The following LRCH2 variants were observed in gnomAD, a reference collection of about 807,000 sequenced individuals.
The protein encoded by LRCH2 is leucine rich repeats and calponin homology domain containing 2, also known as leucine-rich repeat and calponin homology domain-containing protein 2.
LRCH2 carries 38 observed loss-of-function variants against 68.9 expected under a neutral mutation model. That is an observed-to-expected ratio of 0.55 (90% CI 0.43 to 0.72). LRCH2 has a LOEUF of 0.72. Ranked by LOEUF, LRCH2 falls within the 30% of genes least tolerant of loss-of-function variation. The pLI, the probability that LRCH2 is intolerant of heterozygous loss-of-function variation, is 0.00. For synonymous variants in LRCH2, 191 were observed against 208.1 expected (o/e 0.92, Z 0.71); for missense variants, 528 against 572.9 (o/e 0.92, Z 0.80).
intron 11 of LRCH2, 62 bp from the exon 12 acceptor site, chrX:115,156,729 A>G (rs1487011159): frequency 2.8e-6 from 2 of 702,056 alleles, no homozygotes; most frequent in African/African-American, 4.6e-5. Context: ...ACATGATATA[A>G]AAAAAATCTC....
chrX:115,169,450 A>G (rs2072588973), intron 6 of LRCH2, among the ~76,000 whole-genome samples: 1 of 111,960 alleles, frequency 8.9e-6, no homozygotes, highest in South Asian at 3.7e-4. Flanking sequence ...TCATAATATT[A>G]AACAAAATAA....
intron 14 of LRCH2, 143 bp from the exon 15 acceptor site, chrX:115,130,342 T>C (rs1378991236): frequency 5.8e-6 from 2 of 343,989 alleles, no homozygotes; most frequent in African/African-American, 2.7e-5. Flanking sequence ...CAGGTGTAAA[T>C]AGTCCTACTA....
At chrX:115,125,601 ATATACGTATATATATATG>A (rs2072189336) in intron 16 of LRCH2, among the ~76,000 whole-genome samples, 1 of 21,892 alleles carries the variant, frequency 4.6e-5, no homozygotes, top group Non-Finnish European at 7.1e-5. Flanking sequence ...ATACACATAT[ATATACGTATATATATATG>A]TATATATATA....
At chrX:115,155,036 GT>G (rs1248282950) in intron 12 of LRCH2, among the ~76,000 whole-genome samples, 1 of 20,401 alleles carries the variant, frequency 4.9e-5, no homozygotes, top group African/African-American at 1.9e-4. Context: ...GCAAGACTCT[GT>G]CAAAAAAAAA....
At chrX:115,158,157 C>T (rs1472287700) in intron 11 of LRCH2, among the ~76,000 whole-genome samples, 1 of 111,485 alleles carries the variant, frequency 9.0e-6, no homozygotes, top group Non-Finnish European at 1.9e-5. Context: ...CAACCTGGCC[C>T]CATAATACTT....
At chrX:115,155,681 CA>C (rs2072469447) in intron 12 of LRCH2, among the ~76,000 whole-genome samples, 1 of 111,955 alleles carries the variant, frequency 8.9e-6, no homozygotes, top group Non-Finnish European at 1.9e-5. Flanking sequence ...CAATTTACTA[CA>C]TTAACCCATT....
intron 3 of LRCH2, among the ~76,000 whole-genome samples, chrX:115,180,726 C>T (rs782041279): frequency 3.2e-4 from 36 of 111,550 alleles, no homozygotes; most frequent in Non-Finnish European, 5.1e-4. Context: ...TATAATAATG[C>T]TATAGATGAT....
intron 14 of LRCH2, among the ~76,000 whole-genome samples, chrX:115,145,093 C>CAA (rs2072370542): frequency 9.0e-6 from 1 of 111,604 alleles, no homozygotes; most frequent in Non-Finnish European, 1.9e-5. Flanking sequence ...TGCATAAAAA[C>CAA]AGACACACAG....
At chrX:115,176,935 C>T (rs1281301004) in intron 5 of LRCH2, among the ~76,000 whole-genome samples, 3 of 106,055 alleles carry the variant, frequency 2.8e-5, no homozygotes, top group Admixed American at 1.0e-4. Context: ...TTAGTAGAGA[C>T]GGGGTTTCAC....
intron 15 of LRCH2, among the ~76,000 whole-genome samples, chrX:115,129,932 T>C (rs1190676407): frequency 9.0e-6 from 1 of 111,488 alleles, no homozygotes; most frequent in African/African-American, 3.3e-5. Flanking sequence ...GATAAAATTC[T>C]AAAACTGAAT....
rs370769144 is a variant in LRCH2, at chrX:115,149,070, A to G, written c.1695+757T>C. 3.6e-5 allele frequency among the ~76,000 whole-genome samples: 4 copies of G among 111,808 alleles called. No homozygotes were observed. In the East Asian group the frequency reaches 1.1e-3, roughly 31 times the overall value. ...TTACTATTATCATCTAATAATAATT[A>G]GGCTTTGGGAAACATAAAACGTGTA... On this transcript the variant is annotated intron_variant, in intron 14 of 20. Transcript: ENST00000317135.
At chrX:115,222,713 A>G (rs2073093357) in intron 1 of LRCH2, among the ~76,000 whole-genome samples, 1 of 112,389 alleles carries the variant, frequency 8.9e-6, no homozygotes, top group African/African-American at 3.2e-5. Context: ...AATAAATGAA[A>G]AGACATCCCC....
chrX:115,177,834 CT>C (rs2072662603), intron 5 of LRCH2, among the ~76,000 whole-genome samples: 1 of 109,415 alleles, frequency 9.1e-6, no homozygotes. Context: ...TGACATTCCC[CT>C]CCCTGTGTCC....
intron 1 of LRCH2, among the ~76,000 whole-genome samples, chrX:115,227,676 A>G (rs1556576872): frequency 9.4e-6 from 1 of 106,815 alleles, no homozygotes; most frequent in Non-Finnish European, 1.9e-5. Context: ...GAAAAACTCT[A>G]GACTATACAT....
At chrX:115,189,273 T>C (rs1556555889) in intron 1 of LRCH2, among the ~76,000 whole-genome samples, 2 of 112,597 alleles carry the variant, frequency 1.8e-5, no homozygotes, top group African/African-American at 6.5e-5. Flanking sequence ...ACCTGTATCA[T>C]AGACGTTGGT....
chrX:115,224,077 C>A (rs2073102982), intron 1 of LRCH2, among the ~76,000 whole-genome samples: 1 of 111,823 alleles, frequency 8.9e-6, no homozygotes, highest in South Asian at 3.7e-4. Flanking sequence ...CATAAATGAA[C>A]TTTGAAAACA....
chrX:115,171,139 C>A (rs1484338790), intron 5 of LRCH2, among the ~76,000 whole-genome samples: 1 of 111,293 alleles, frequency 9.0e-6, no homozygotes, highest in African/African-American at 3.3e-5. Context: ...TAAGTGACAT[C>A]AAATAAATAT....
At chrX:115,155,862 G>T (rs1046160675) in intron 12 of LRCH2, among the ~76,000 whole-genome samples, 10 of 111,455 alleles carry the variant, frequency 9.0e-5, no homozygotes, top group Non-Finnish European at 1.9e-5. Context: ...AAGCTCTCAG[G>T]GTAAGCAGAA....
At chrX:115,150,292 G>A (rs1416462320) in intron 12 of LRCH2, among the ~76,000 whole-genome samples, 2 of 110,662 alleles carry the variant, frequency 1.8e-5, no homozygotes, top group Admixed American at 2.0e-4. Context: ...TTCTATGTAG[G>A]CCCTATGCAT....
Sources: gnomAD v4.1 joint callset for allele counts (sites outside exome capture counted in the v4.1 genomes callset) on GRCh38, gnomAD v4.1.1 for gene constraint, MANE v1.5 for transcripts, NCBI Gene and HGNC (gene_info 2026-07-23, HGNC 2026-07-21) for gene names.